Variants in SLC24A3 observed in about 807,000 individuals in gnomAD.
SLC24A3 encodes the protein sodium/potassium/calcium exchanger 3.
SLC24A3 carries 28 observed loss-of-function variants against 75.8 expected under a neutral mutation model. The observed-to-expected ratio is 0.37, with a 90% CI of 0.27 to 0.51. The LOEUF (loss-of-function observed/expected upper bound fraction) is 0.51, where lower values mean the gene tolerates loss of function less well. Among genes scored for constraint, SLC24A3 ranks in the 20% least tolerant of loss-of-function variants. The probability of loss-of-function intolerance (pLI) is 0.94; values close to 1 mark genes in which losing one functional copy is unlikely to be tolerated. For missense variants in SLC24A3, 663 were observed against 847.8 expected (o/e 0.78, Z 2.71); for synonymous variants, 372 against 334.1 (o/e 1.11, Z -1.24).
chr20:19,387,635 T>C (rs1986293922), intron 2 of SLC24A3, among the ~76,000 whole-genome samples: 1 of 152,236 alleles, frequency 6.6e-6, no homozygotes, highest in Admixed American at 6.5e-5. Flanking sequence ...TTTTCCATTT[T>C]TTCCTGTTTT....
chr20:19,371,119 G>T (rs1398068171), intron 2 of SLC24A3, among the ~76,000 whole-genome samples: 1 of 152,150 alleles, frequency 6.6e-6, no homozygotes, highest in Non-Finnish European at 1.5e-5. Context: ...AGGAGCTCTG[G>T]GGGCAACTGG....
intron 1 of SLC24A3, among the ~76,000 whole-genome samples, chr20:19,216,857 G>A (rs1981574270): frequency 6.6e-6 from 1 of 152,110 alleles, no homozygotes; most frequent in Admixed American, 6.6e-5. Context: ...GGGTAATGGG[G>A]CTGGCTTGTC....
At chr20:19,522,314 G>A (rs532168998) in intron 3 of SLC24A3, among the ~76,000 whole-genome samples, 5 of 152,160 alleles carry the variant, frequency 3.3e-5, no homozygotes, top group South Asian at 2.1e-4. Flanking sequence ...TCCTCTCAAG[G>A]GCTGGCCTGG....
intron 3 of SLC24A3, among the ~76,000 whole-genome samples, chr20:19,550,841 G>T (rs918116713): frequency 1.3e-5 from 2 of 152,134 alleles, no homozygotes; most frequent in Non-Finnish European, 2.9e-5. Flanking sequence ...CCATATTGAA[G>T]AAATGTAAAG....
chr20:19,246,568 A>G (rs2122172861), intron 1 of SLC24A3, among the ~76,000 whole-genome samples: 1 of 152,300 alleles, frequency 6.6e-6, no homozygotes, highest in African/African-American at 2.4e-5. Flanking sequence ...GTATAACAAC[A>G]TTGACTGAAC....
chr20:19,721,499 T>A lies in SLC24A3; in HGVS notation c.*359T>A. On this transcript the variant is annotated 3_prime_UTR_variant, in exon 17 of 17. Transcript: ENST00000328041. Reference sequence around the variant, plus strand: ...CCTCCTCCTTTTTTAAGTTATTTGATGGAAGACTCACCTAATTTGTGACCT... The same window carrying A: ...CCTCCTCCTTTTTTAAGTTATTTGAAGGAAGACTCACCTAATTTGTGACCT... 1 of 200,512 alleles carries A rather than the reference T, an allele frequency of 5.0e-6. No homozygotes were observed. The highest frequency in any genetic ancestry group is 1.0e-5 in the Non-Finnish European group (1 of 99,748). 12.4% of individuals were successfully genotyped at this position (200,512 alleles called of 1,614,324 possible).
rs188004250 is a variant in SLC24A3, at chr20:19,359,042, C to T, written c.271+77955C>T. ...TTCATTGGTGGACATTTGGGTGTTTCCACCTTATGCCTATAGTAAATAGTG... is the reference window on the plus strand; with the variant it reads ...TTCATTGGTGGACATTTGGGTGTTTTCACCTTATGCCTATAGTAAATAGTG... On this transcript the variant is annotated intron_variant, in intron 2 of 16. Coordinates refer to ENST00000328041, the MANE Select transcript of SLC24A3 (RefSeq NM_020689.4). 9.9e-5 allele frequency among the ~76,000 whole-genome samples: 15 copies of T among 152,238 alleles called. No individual in the cohort carries two copies. The East Asian group carries it at 2.9e-3, about 29-fold the overall frequency.
intron 2 of SLC24A3, among the ~76,000 whole-genome samples, chr20:19,498,636 T>C (rs565038146): frequency 3.3e-5 from 5 of 152,318 alleles, no homozygotes; most frequent in Admixed American, 2.0e-4. Context: ...GTTATCAATA[T>C]GGTTATAGCT....
intron 13 of SLC24A3, among the ~76,000 whole-genome samples, chr20:19,695,194 A>G (rs980317755): frequency 6.6e-6 from 1 of 152,208 alleles, no homozygotes; most frequent in African/African-American, 2.4e-5. Context: ...TGAACAGGGA[A>G]GGAGCGATTG....
intron 2 of SLC24A3, among the ~76,000 whole-genome samples, chr20:19,294,957 A>G (rs1984027085): frequency 6.6e-6 from 1 of 152,172 alleles, no homozygotes. Context: ...TATTTTAACA[A>G]TAAATAGCTG....
intron 15 of SLC24A3, among the ~76,000 whole-genome samples, chr20:19,709,907 C>T (rs961067942): frequency 1.3e-5 from 2 of 152,166 alleles, no homozygotes; most frequent in Non-Finnish European, 2.9e-5. Context: ...ACTAAATGCA[C>T]TATTGTACTA....
intron 2 of SLC24A3, among the ~76,000 whole-genome samples, chr20:19,421,585 T>C (rs1227901201): frequency 2.0e-5 from 3 of 152,184 alleles, no homozygotes; most frequent in African/African-American, 7.2e-5. Flanking sequence ...GGAGAGCTAA[T>C]ATTGTTGCAG....
chr20:19,720,237 A>C (rs1315509506), intron 16 of SLC24A3, among the ~76,000 whole-genome samples: 1 of 152,220 alleles, frequency 6.6e-6, no homozygotes, highest in Non-Finnish European at 1.5e-5. Flanking sequence ...TTTGGGTAGC[A>C]CATAGGCTGG....
intron 12 of SLC24A3, among the ~76,000 whole-genome samples, chr20:19,687,921 C>T (rs2032696976): frequency 1.3e-5 from 2 of 152,142 alleles, no homozygotes; most frequent in Non-Finnish European, 2.9e-5. Context: ...TATGAGGAGA[C>T]ATGGCTGCAG....
chr20:19,657,712 G>A (rs2032281198), intron 7 of SLC24A3, among the ~76,000 whole-genome samples: 1 of 152,198 alleles, frequency 6.6e-6, no homozygotes, highest in African/African-American at 2.4e-5. Flanking sequence ...AAGTGCTGCA[G>A]TTCACAAAGT....
intron 2 of SLC24A3, among the ~76,000 whole-genome samples, chr20:19,461,413 ACG>A (rs1987668933): frequency 4.0e-5 from 6 of 151,848 alleles, no homozygotes; most frequent in South Asian, 2.1e-4. Context: ...ACATACATGT[ACG>A]CACATATACA....
Position 19,415,202 on chromosome 20 carries a change from C to T in SLC24A3, c.272-100286C>T, listed in dbSNP as rs182261385. On this transcript the variant is annotated intron_variant, in intron 2 of 16. Transcript: ENST00000328041. ...ATCCTGGTGGTGTTGAGAGTGGACA[C>T]GCTTGTGGATACACAGGTATGTGCA... is the stretch of plus-strand genomic sequence containing the variant. Among the ~76,000 whole-genome samples the T allele has an allele frequency of 2.4e-3, 360 of 152,248 alleles. 5 individuals carry two copies. Among genetic ancestry groups the T allele is most frequent in the South Asian group, 0.019 (91 of 4,822 alleles).
At chr20:19,356,748 T>C (rs1487135399) in intron 2 of SLC24A3, among the ~76,000 whole-genome samples, 1 of 152,086 alleles carries the variant, frequency 6.6e-6, no homozygotes, top group Non-Finnish European at 1.5e-5. Context: ...ACCAAACTGT[T>C]CTCCAGCATG....
rs538082503 is a variant in SLC24A3 at position 19,215,719 on chromosome 20, G to A, written c.142+2735G>A. On this transcript the variant is annotated intron_variant, in intron 1 of 16. Transcript: ENST00000328041. The stretch of plus-strand genomic sequence containing the variant: ...GAGATGTGTGATAATTATATTATAT[G>A]ATGTTTCATAACATTTCTAATCATA... 2.0e-5 allele frequency among the ~76,000 whole-genome samples: 3 copies of A among 152,130 alleles called. No homozygotes were observed. In the East Asian group the frequency reaches 5.8e-4, roughly 29 times the overall value.
Sources: allele counts gnomAD v4.1 joint callset (sites outside exome capture counted in the v4.1 genomes callset), GRCh38; gene constraint gnomAD v4.1.1; transcripts MANE v1.5; gene names NCBI Gene and HGNC (gene_info 2026-07-23, HGNC 2026-07-21).